The following CNBD1 variants were observed in gnomAD, a reference collection of about 807,000 sequenced individuals.
CNBD1 encodes the protein cyclic nucleotide-binding domain-containing protein 1.
Under a neutral mutation model 54.4 loss-of-function variants are expected in CNBD1, and 71 were observed. That is an observed-to-expected ratio of 1.30 (90% CI 1.08 to 1.59). The LOEUF is 1.59. CNBD1 is among the 40% of genes most tolerant of loss of function. CNBD1 has a pLI of 0.00. For synonymous variants in CNBD1, 182 were observed against 170.7 expected (o/e 1.07, Z -0.51); for missense variants, 659 against 518.0 (o/e 1.27, Z -2.64).
rs116069329 is a variant in CNBD1, at chr8:87,169,496, C to T, written c.432-36497C>T. ...AAATCTTCGCCCACCCTAACCTCCT[C>T]GAGATTTTCACCAATGTTTTCTTGT... On this transcript the variant is annotated intron_variant, in intron 4 of 10. Coordinates refer to ENST00000518476, the MANE Select transcript of CNBD1 (RefSeq NM_173538.3). Among the ~76,000 whole-genome samples, 783 of 152,072 alleles carry T rather than the reference C, an allele frequency of 5.1e-3. 4 individuals are homozygous for T. Among genetic ancestry groups the T allele is most frequent in the African/African-American group, 0.018 (733 of 41,536 alleles).
chr8:86,877,324 A>T (rs1466571639), intron 1 of CNBD1, among the ~76,000 whole-genome samples: 1 of 152,070 alleles, frequency 6.6e-6, no homozygotes, highest in Non-Finnish European at 1.5e-5. Flanking sequence ...ATTTGCCTAC[A>T]CTTTATTAGT....
intron 5 of CNBD1, among the ~76,000 whole-genome samples, chr8:87,233,663 CTTG>C (rs1194246419): frequency 1.3e-5 from 2 of 151,890 alleles, no homozygotes; most frequent in Non-Finnish European, 2.9e-5. Flanking sequence ...TAGAGATAGT[CTTG>C]TTGTTTTTGC....
At chr8:87,379,793 TA>T (rs1811037231) in intron 10 of CNBD1, among the ~76,000 whole-genome samples, 1 of 151,876 alleles carries the variant, frequency 6.6e-6, no homozygotes, top group Admixed American at 6.6e-5. Context: ...AATAATTTTC[TA>T]AAAAATGAAA....
intron 4 of CNBD1, among the ~76,000 whole-genome samples, chr8:87,115,844 C>T (rs1342501039): frequency 6.6e-6 from 1 of 152,200 alleles, no homozygotes; most frequent in Non-Finnish European, 1.5e-5. Context: ...TCCATATTCA[C>T]ACTGCTTTTG....
At chr8:87,415,685 C>T (rs1271372675) in intron 2 of CNBD1, among the ~76,000 whole-genome samples, 1 of 151,860 alleles carries the variant, frequency 6.6e-6, no homozygotes, top group Non-Finnish European at 1.5e-5. Flanking sequence ...CATTAATGAG[C>T]ATTCTAGATT....
At chr8:87,310,604 T>C (rs1296982183) in intron 8 of CNBD1, among the ~76,000 whole-genome samples, 1 of 152,142 alleles carries the variant, frequency 6.6e-6, no homozygotes, top group East Asian at 1.9e-4. Context: ...ATGACCAATG[T>C]CATTTTTCAC....
At chr8:87,233,128 T>A (rs1157425379) in intron 5 of CNBD1, among the ~76,000 whole-genome samples, 2 of 152,188 alleles carry the variant, frequency 1.3e-5, no homozygotes, top group Admixed American at 1.3e-4. Context: ...CAATGAATAA[T>A]TGACAAAATA....
chr8:87,409,646 G>A (rs1807706844), intron 2 of CNBD1, among the ~76,000 whole-genome samples: 2 of 152,134 alleles, frequency 1.3e-5, no homozygotes, highest in South Asian at 2.1e-4. Flanking sequence ...TCTCCTGTTA[G>A]GGCCTAATAA....
chr8:87,155,948 G>C (rs189541516), intron 4 of CNBD1, among the ~76,000 whole-genome samples: 7 of 152,118 alleles, frequency 4.6e-5, no homozygotes, highest in Admixed American at 4.6e-4. Context: ...TTTTTAAGGT[G>C]AGCACTATTA....
At chr8:87,421,817 A>G (rs1807944608) in intron 2 of CNBD1, among the ~76,000 whole-genome samples, 1 of 142,500 alleles carries the variant, frequency 7.0e-6, no homozygotes, top group African/African-American at 2.7e-5. Context: ...GTCAAATGGT[A>G]TTTCTAGTTC....
intron 4 of CNBD1, among the ~76,000 whole-genome samples, chr8:86,941,080 C>A (rs1321056935): frequency 6.6e-6 from 1 of 152,126 alleles, no homozygotes; most frequent in Non-Finnish European, 1.5e-5. Context: ...ACTATGATTG[C>A]AAATTTGAGG....
At chr8:87,254,029 T>G (rs1255081562) in intron 6 of CNBD1, among the ~76,000 whole-genome samples, 1 of 152,230 alleles carries the variant, frequency 6.6e-6, no homozygotes, top group Non-Finnish European at 1.5e-5. Context: ...TTAGATTACA[T>G]TCCTATGTTC....
chr8:86,883,900 C>T (rs1313244885), intron 1 of CNBD1, among the ~76,000 whole-genome samples: 1 of 152,102 alleles, frequency 6.6e-6, no homozygotes, highest in Non-Finnish European at 1.5e-5. Flanking sequence ...GCCTGTAATC[C>T]CAGCACTTTG....
At chr8:86,913,011 G>A (rs1179367086) in intron 3 of CNBD1, among the ~76,000 whole-genome samples, 1 of 152,120 alleles carries the variant, frequency 6.6e-6, no homozygotes, top group East Asian at 1.9e-4. Context: ...GAAACAAAGA[G>A]CATATTTTTG....
At chr8:87,339,928 G>A (rs1363912358) in intron 8 of CNBD1, among the ~76,000 whole-genome samples, 2 of 152,098 alleles carry the variant, frequency 1.3e-5, no homozygotes, top group South Asian at 4.1e-4. Context: ...ATGCATCAGT[G>A]TTATAGTATT....
chr8:87,164,355 A>G lies in CNBD1; in HGVS notation c.432-41638A>G, dbSNP rs369749986. 2.8e-3 allele frequency among the ~76,000 whole-genome samples: 428 copies of G among 151,932 alleles called. 1 individual carries two copies. Among genetic ancestry groups the G allele is most frequent in the African/African-American group, 1.0e-2 (414 of 41,492 alleles). On this transcript the variant is annotated intron_variant, in intron 4 of 10. Coordinates refer to ENST00000518476, the MANE Select transcript of CNBD1 (RefSeq NM_173538.3). ...CTTCAATTGTTTGAAAGCAGTTGAG[A>G]AAGATTGGTATTAATTTTTTTTAAT...
At chr8:87,362,947 T>A (rs192149881) in intron 10 of CNBD1, among the ~76,000 whole-genome samples, 1 of 152,174 alleles carries the variant, frequency 6.6e-6, no homozygotes, top group East Asian at 1.9e-4. Context: ...GGTGGTTTGC[T>A]GTACCCATCA....
chr8:87,345,970 A>G (rs145877574), intron 8 of CNBD1, among the ~76,000 whole-genome samples: 1 of 152,114 alleles, frequency 6.6e-6, no homozygotes, highest in South Asian at 2.1e-4. Flanking sequence ...ATGGAAATAT[A>G]TTGGTTGTGT....
chr8:87,047,958 G>C, intron 4 of CNBD1, among the ~76,000 whole-genome samples: 1 of 152,184 alleles, frequency 6.6e-6, no homozygotes, highest in East Asian at 1.9e-4. Context: ...AATTTTCAGT[G>C]TAAGGTGCCT....
Sources: allele counts gnomAD v4.1 joint callset (sites outside exome capture counted in the v4.1 genomes callset), GRCh38; gene constraint gnomAD v4.1.1; transcripts MANE v1.5; gene names NCBI Gene and HGNC (gene_info 2026-07-23, HGNC 2026-07-21).